The following RUFY4 variants were observed in gnomAD, a reference collection of about 807,000 sequenced individuals.
The protein encoded by RUFY4 is RUN and FYVE domain containing 4.
A neutral mutation model predicts 69.0 loss-of-function variants in RUFY4; 73 were observed. The ratio of observed to expected loss-of-function variants is 1.06; its 90% CI spans 0.88 to 1.29. The LOEUF (loss-of-function observed/expected upper bound fraction) is 1.29, where lower values mean the gene tolerates loss of function less well. RUFY4 is among the 50% of genes most tolerant of loss of function. The pLI, the probability that RUFY4 is intolerant of heterozygous loss-of-function variation, is 0.00. For synonymous variants in RUFY4, 287 were observed against 271.8 expected, an observed-to-expected ratio of 1.06 and a Z score of -0.55; for missense variants, 770 against 705.6, an observed-to-expected ratio of 1.09 and a Z score of -1.03.
chr2:218,036,659 G>A (rs1010867650), intron 2 of RUFY4, among the ~76,000 whole-genome samples: 1 of 152,218 alleles, frequency 6.6e-6, no homozygotes, highest in African/African-American at 2.4e-5. Context: ...CCTAATTACA[G>A]CATAATGCTG....
chr2:218,088,513 G>A (rs1294105999), intron 9 of RUFY4, among the ~76,000 whole-genome samples: 2 of 151,958 alleles, frequency 1.3e-5, no homozygotes, highest in Non-Finnish European at 2.9e-5. Flanking sequence ...TTTTGCAAGG[G>A]CATACATGTA....
At chr2:218,083,254 C>A in exon 9 of RUFY4, 2 of 1,598,146 alleles carry the variant, frequency 1.3e-6, no homozygotes, top group South Asian at 1.1e-5. Flanking sequence ...TGGAACTGAT[C>A]CAGTAAGGAC....
chr2:218,058,050 G>A (rs562135653), intron 2 of RUFY4, among the ~76,000 whole-genome samples: 2 of 152,340 alleles, frequency 1.3e-5, no homozygotes, highest in East Asian at 3.9e-4. Context: ...CAGAGATTGT[G>A]TGCATTAAAA....
intron 9 of RUFY4, among the ~76,000 whole-genome samples, chr2:218,088,066 T>C (rs1000207270): frequency 6.6e-6 from 1 of 152,166 alleles, no homozygotes; most frequent in Non-Finnish European, 1.5e-5. Flanking sequence ...TCAGAAATGG[T>C]TTGCCACTGA....
intron 2 of RUFY4, among the ~76,000 whole-genome samples, chr2:218,044,293 A>G (rs954125713): frequency 2.0e-5 from 3 of 152,212 alleles, no homozygotes; most frequent in Non-Finnish European, 4.4e-5. Flanking sequence ...AGTTTCATGA[A>G]ACTTGACCTG....
chr2:218,058,385 G>A (rs1174291408), intron 2 of RUFY4, among the ~76,000 whole-genome samples: 2 of 152,132 alleles, frequency 1.3e-5, no homozygotes, highest in Non-Finnish European at 2.9e-5. Context: ...CTATCATGTG[G>A]GTAAGGAAAG....
intron 8 of RUFY4, among the ~76,000 whole-genome samples, chr2:218,081,097 C>T (rs1338125871): frequency 2.0e-5 from 3 of 152,224 alleles, no homozygotes; most frequent in African/African-American, 7.2e-5. Flanking sequence ...CATGTCCCCT[C>T]GTGTGCTAGG....
intron 3 of RUFY4, among the ~76,000 whole-genome samples, chr2:218,064,054 C>G (rs1574503497): frequency 6.6e-6 from 1 of 152,222 alleles, no homozygotes; most frequent in Admixed American, 6.5e-5. Flanking sequence ...TTCCATGAAC[C>G]CATAAGCACC....
intron 2 of RUFY4, among the ~76,000 whole-genome samples, chr2:218,053,533 G>A (rs1185002676): frequency 6.6e-6 from 1 of 151,622 alleles, no homozygotes; most frequent in East Asian, 1.9e-4. Flanking sequence ...ATTTTGAAAC[G>A]GAGTCTTGCT....
At chr2:218,072,128 G>C (rs7422088) in intron 2 of RUFY4, among the ~76,000 whole-genome samples, 48,784 of 152,114 alleles carry the variant, frequency 0.32, 7,993 homozygotes, top group South Asian at 0.39. Context: ...ACACACAGAG[G>C]AGGGCCTGGA....
At chr2:218,077,627 C>T (rs1000870116) in intron 8 of RUFY4, among the ~76,000 whole-genome samples, 21 of 152,234 alleles carry the variant, frequency 1.4e-4, no homozygotes, top group Non-Finnish European at 2.6e-4. Flanking sequence ...CTGTCTCTCT[C>T]TCCCACATGG....
chr2:218,053,371 G>T (rs1178314062), intron 2 of RUFY4, among the ~76,000 whole-genome samples: 4 of 148,854 alleles, frequency 2.7e-5, no homozygotes, highest in Non-Finnish European at 5.9e-5. Context: ...TTTGAAACAG[G>T]GTCTCACTTT....
intron 9 of RUFY4, among the ~76,000 whole-genome samples, chr2:218,086,307 C>T (rs1689893503): frequency 1.3e-5 from 2 of 152,036 alleles, no homozygotes; most frequent in Admixed American, 6.5e-5. Flanking sequence ...GAGAGAATTC[C>T]CCAGCTCTGA....
intron 2 of RUFY4, among the ~76,000 whole-genome samples, chr2:218,044,467 A>G (rs1431269776): frequency 6.6e-6 from 1 of 152,186 alleles, no homozygotes; most frequent in Non-Finnish European, 1.5e-5. Flanking sequence ...TTCAGGGTAC[A>G]TGTGCAGGTT....
rs537306841 is a variant in RUFY4, at chr2:218,082,463, C to T, written c.1356-647C>T. 1.2e-4 allele frequency among the ~76,000 whole-genome samples: 18 copies of T among 152,190 alleles called. 1 individual carries two copies. In the South Asian group the frequency reaches 3.3e-3, roughly 28 times the overall value. ...AAATGGAAATGTTTAAAAACAAAGC[C>T]GGGAGGAGGAAATGTTGGCTCATCC... On this transcript the variant is annotated intron_variant, in intron 8 of 10. Coordinates refer to ENST00000344321, the Ensembl canonical transcript of RUFY4.
intron 2 of RUFY4, among the ~76,000 whole-genome samples, chr2:218,055,271 T>C: frequency 6.6e-6 from 1 of 152,058 alleles, no homozygotes; most frequent in East Asian, 1.9e-4. Context: ...GGCAGGCACC[T>C]GTAGTCCCAG....
At chr2:218,036,183 C>T (rs777345290) in intron 2 of RUFY4, among the ~76,000 whole-genome samples, 1 of 152,216 alleles carries the variant, frequency 6.6e-6, no homozygotes, top group Non-Finnish European at 1.5e-5. Context: ...AGCACAGTGT[C>T]GTCGCCCAGG....
intron 8 of RUFY4, among the ~76,000 whole-genome samples, chr2:218,081,597 C>T (rs1367342792): frequency 1.3e-5 from 2 of 152,230 alleles, no homozygotes; most frequent in Non-Finnish European, 2.9e-5. Flanking sequence ...TAAGTGTTCT[C>T]TCCCACCCCA....
chr2:218,069,714 C>T (rs534496706), upstream of RUFY4, among the ~76,000 whole-genome samples: 1 of 152,240 alleles, frequency 6.6e-6, no homozygotes, highest in South Asian at 2.1e-4. Flanking sequence ...TCCACTGTGT[C>T]CCACTGCTGT....
Sources: allele counts gnomAD v4.1 joint callset (sites outside exome capture counted in the v4.1 genomes callset), GRCh38; gene constraint gnomAD v4.1.1; transcripts MANE v1.5; gene names NCBI Gene and HGNC (gene_info 2026-07-23, HGNC 2026-07-21).